FHIT: variants seen among roughly 807,000 people sequenced by gnomAD.
The protein encoded by FHIT is bis(5'-adenosyl)-triphosphatase.
FHIT carries 19 observed loss-of-function variants against 17.9 expected under a neutral mutation model. The observed-to-expected ratio is 1.06, with a 90% CI of 0.74 to 1.56. The LOEUF (loss-of-function observed/expected upper bound fraction) is 1.56, where lower values mean the gene tolerates loss of function less well. Among genes scored for constraint, FHIT ranks in the 40% most tolerant of loss-of-function variants. The pLI is 0.00. For synonymous variants in FHIT, 81 were observed against 69.7 expected (o/e 1.16, Z -0.81); for missense variants, 248 against 189.2 (o/e 1.31, Z -1.82).
chr3:59,907,066 G>A (rs1275998423), intron 8 of FHIT, among the ~76,000 whole-genome samples: 1 of 152,200 alleles, frequency 6.6e-6, no homozygotes. Context: ...TGACCATGAT[G>A]AATACCTCTC....
intron 5 of FHIT, among the ~76,000 whole-genome samples, chr3:60,518,737 G>A (rs778965816): frequency 1.3e-5 from 2 of 152,294 alleles, no homozygotes; most frequent in African/African-American, 2.4e-5. Context: ...GGCTGGGTGC[G>A]CTGGCTCATG....
chr3:60,315,690 G>T (rs1178649137), intron 5 of FHIT, among the ~76,000 whole-genome samples: 3 of 152,142 alleles, frequency 2.0e-5, no homozygotes, highest in Non-Finnish European at 4.4e-5. Context: ...TATCCATTCT[G>T]CTGCTGCTGA....
At position 60,612,529 on chromosome 3, in the gene FHIT, A is replaced by C. The variant is rs58700878; in HGVS notation, c.-17-75550T>G. ...CAGAGTATAAATATTTGGTTATTGG[A>C]TACTTTTCAATTTAGGGGAAAAGGT... On this transcript the variant is annotated intron_variant, in intron 4 of 9. Coordinates refer to ENST00000492590, the MANE Select transcript of FHIT (RefSeq NM_002012.4). 7.4e-3 allele frequency among the ~76,000 whole-genome samples: 1,121 copies of C among 152,314 alleles called. 12 individuals are homozygous for C. Among genetic ancestry groups the C allele is most frequent in the African/African-American group, 0.025 (1,059 of 41,570 alleles).
intron 8 of FHIT, among the ~76,000 whole-genome samples, chr3:59,851,340 T>G (rs899358816): frequency 1.3e-5 from 2 of 152,210 alleles, no homozygotes; most frequent in Non-Finnish European, 2.9e-5. Context: ...ATTAGAAATA[T>G]GCAGAGCATT....
intron 3 of FHIT, among the ~76,000 whole-genome samples, chr3:60,861,765 A>C (rs1703910262): frequency 6.6e-6 from 1 of 152,092 alleles, no homozygotes; most frequent in Non-Finnish European, 1.5e-5. Context: ...AAGTTATAGG[A>C]GACCAAAAAA....
chr3:60,262,037 C>G (rs1434905965), intron 5 of FHIT, among the ~76,000 whole-genome samples: 1 of 151,950 alleles, frequency 6.6e-6, no homozygotes, highest in African/African-American at 2.4e-5. Context: ...TGTACATTTC[C>G]CTATGTCTTT....
chr3:60,649,355 T>C (rs2039939305), intron 4 of FHIT, among the ~76,000 whole-genome samples: 1 of 152,138 alleles, frequency 6.6e-6, no homozygotes. Flanking sequence ...CTAGCCGAGA[T>C]GGCACCACTG....
intron 8 of FHIT, among the ~76,000 whole-genome samples, chr3:59,754,904 C>A (rs904874387): frequency 6.6e-6 from 1 of 152,034 alleles, no homozygotes. Flanking sequence ...GCACTCAACC[C>A]TGGTTGGTTG....
Position 60,155,610 on chromosome 3 carries a change from G to C in FHIT, c.104-141458C>G, listed in dbSNP as rs143075051. Among the ~76,000 whole-genome samples, 570 of 152,266 alleles carry C rather than the reference G, an allele frequency of 3.7e-3. 5 individuals carry two copies. The highest frequency in any genetic ancestry group is 0.013 in the African/African-American group (532 of 41,556). On this transcript the variant is annotated intron_variant, in intron 5 of 9. Transcript: ENST00000492590. Reference sequence around the variant, plus strand: ...AGCCAGAGAGAGGGTCAGAAGCAAGGCTGGGCCATCAAATACCCCAATACT... The same window carrying C: ...AGCCAGAGAGAGGGTCAGAAGCAAGCCTGGGCCATCAAATACCCCAATACT...
At chr3:61,143,631 C>G (rs995690152) in intron 2 of FHIT, among the ~76,000 whole-genome samples, 1 of 152,130 alleles carries the variant, frequency 6.6e-6, no homozygotes, top group East Asian at 1.9e-4. Flanking sequence ...TCTGGGAGGC[C>G]GAGGCGGGTG....
At chr3:60,415,921 T>A in intron 5 of FHIT, among the ~76,000 whole-genome samples, 1 of 145,810 alleles carries the variant, frequency 6.9e-6, no homozygotes, top group East Asian at 2.0e-4. Context: ...TATAACATAT[T>A]AATTCCATTA....
intron 5 of FHIT, among the ~76,000 whole-genome samples, chr3:60,058,674 G>A (rs1702183647): frequency 6.6e-6 from 1 of 152,100 alleles, no homozygotes; most frequent in African/African-American, 2.4e-5. Flanking sequence ...GCTGTAAAGT[G>A]ACACAAAAGA....
intron 5 of FHIT, among the ~76,000 whole-genome samples, chr3:60,145,497 A>G (rs142657194): frequency 2.0e-5 from 3 of 152,320 alleles, no homozygotes; most frequent in South Asian, 4.1e-4. Flanking sequence ...TCAGATGACT[A>G]AAAACAGACC....
At chr3:60,106,243 T>A (rs1266213847) in intron 5 of FHIT, among the ~76,000 whole-genome samples, 1 of 152,232 alleles carries the variant, frequency 6.6e-6, no homozygotes, top group Non-Finnish European at 1.5e-5. Context: ...GCTGTAAATT[T>A]GGATATGCCA....
intron 3 of FHIT, among the ~76,000 whole-genome samples, chr3:60,990,710 C>T (rs1021297853): frequency 8.5e-5 from 13 of 152,306 alleles, no homozygotes; most frequent in African/African-American, 3.1e-4. Context: ...CCCGCGATTG[C>T]GAGCATCTTC....
intron 8 of FHIT, among the ~76,000 whole-genome samples, chr3:59,872,092 C>T (rs1405217239): frequency 6.6e-6 from 1 of 152,056 alleles, no homozygotes; most frequent in East Asian, 1.9e-4. Flanking sequence ...CTGAAGCCAC[C>T]GTTGATGTAC....
intron 5 of FHIT, among the ~76,000 whole-genome samples, chr3:60,094,308 C>A (rs2107109851): frequency 6.6e-6 from 1 of 152,102 alleles, no homozygotes; most frequent in South Asian, 2.1e-4. Flanking sequence ...TAAACAATAC[C>A]AGATCTGCCT....
intron 8 of FHIT, among the ~76,000 whole-genome samples, chr3:59,840,195 G>A (rs1446157363): frequency 1.3e-5 from 2 of 152,052 alleles, no homozygotes; most frequent in Non-Finnish European, 2.9e-5. Context: ...CCCCATTCTT[G>A]CAGATTCCCC....
chr3:59,830,841 T>C (rs1179730067), intron 8 of FHIT, among the ~76,000 whole-genome samples: 1 of 152,162 alleles, frequency 6.6e-6, no homozygotes, highest in Non-Finnish European at 1.5e-5. Flanking sequence ...ACCTGTCTAA[T>C]TGGGTCATTT....
Sources: allele counts gnomAD v4.1 joint callset (sites outside exome capture counted in the v4.1 genomes callset), GRCh38; gene constraint gnomAD v4.1.1; transcripts MANE v1.5; gene names NCBI Gene and HGNC (gene_info 2026-07-23, HGNC 2026-07-21).